The following GNA13 variants were observed in gnomAD, a reference collection of about 807,000 sequenced individuals.
GNA13 encodes guanine nucleotide-binding protein subunit alpha-13.
A neutral mutation model predicts 33.5 loss-of-function variants in GNA13; 4 were observed. That is an observed-to-expected ratio of 0.12 (90% confidence interval 0.06 to 0.27). GNA13 has a LOEUF of 0.27. Ranked by LOEUF, GNA13 falls within the 10% of genes least tolerant of loss-of-function variation. The probability of loss-of-function intolerance (pLI) is 1.00; values close to 1 mark genes in which losing one functional copy is unlikely to be tolerated. For missense variants in GNA13, 319 were observed against 487.2 expected (o/e 0.65, Z 3.25); for synonymous variants, 176 against 183.8 (o/e 0.96, Z 0.34).
intron 2 of GNA13, among the ~76,000 whole-genome samples, chr17:65,034,727 T>C (rs1226172477): frequency 6.6e-6 from 1 of 152,258 alleles, no homozygotes; most frequent in Non-Finnish European, 1.5e-5. Context: ...AGGACCTTAC[T>C]AAAATGCTTC....
chr17:65,038,819 T>C (rs537497547), intron 2 of GNA13, among the ~76,000 whole-genome samples: 1 of 152,222 alleles, frequency 6.6e-6, no homozygotes, highest in African/African-American at 2.4e-5. Flanking sequence ...CAGTTGATAG[T>C]TGGGCAAAAT....
At chr17:65,056,073 C>T (rs1488135990) in intron 1 of GNA13, among the ~76,000 whole-genome samples, 1 of 151,956 alleles carries the variant, frequency 6.6e-6, no homozygotes, top group Non-Finnish European at 1.5e-5. Flanking sequence ...GCCGTGACGC[C>T]CACCGGGGAG....
Position 65,056,648 on chromosome 17 carries a change from C to G in GNA13, c.-55G>C, listed in dbSNP as rs996777578. 2.4e-5 allele frequency: 35 copies of G among 1,465,146 alleles called. No individual in the cohort carries two copies. The African/African-American group carries it at 5.1e-4, about 21-fold the overall frequency. The allele number at this position is 1,465,146 out of a possible 1,614,324, so 90.8% of individuals were successfully genotyped here. ...CCCCTCCGGCTCCCTCCACCTCCTCCTCCGGCGGCGGGCGGCTCCGGCACC... is the reference window on the plus strand; with the variant it reads ...CCCCTCCGGCTCCCTCCACCTCCTCGTCCGGCGGCGGGCGGCTCCGGCACC... On this transcript the variant is annotated 5_prime_UTR_variant, in exon 1 of 4. Coordinates refer to ENST00000439174, the MANE Select transcript of GNA13 (RefSeq NM_006572.6).
At chr17:65,031,470 C>G (rs1435733158) in intron 2 of GNA13, among the ~76,000 whole-genome samples, 1 of 152,124 alleles carries the variant, frequency 6.6e-6, no homozygotes, top group African/African-American at 2.4e-5. Flanking sequence ...TATATAAGTC[C>G]TTTGTTGTGC....
chr17:65,015,378 G>A (rs146660274), intron 3 of GNA13, among the ~76,000 whole-genome samples: 36 of 151,996 alleles, frequency 2.4e-4, no homozygotes, highest in African/African-American at 8.7e-4. Flanking sequence ...TAAAAGCAAT[G>A]GGGGCTGGGC....
At chr17:65,018,724 C>CA (rs1906474196) in intron 2 of GNA13, among the ~76,000 whole-genome samples, 1 of 152,138 alleles carries the variant, frequency 6.6e-6, no homozygotes, top group Non-Finnish European at 1.5e-5. Flanking sequence ...TCTTCAGAGA[C>CA]AAACCAAACC....
chr17:65,056,623 C>G lies in GNA13; in HGVS notation c.-30G>C. ...CCGCCGCCGCCGCCGCCTCGGCGGG[C>G]CCCTCCGGCTCCCTCCACCTCCTCC... On this transcript the variant is annotated 5_prime_UTR_variant, in exon 1 of 4. Transcript: ENST00000439174. The G allele has an allele frequency of 6.3e-7, 1 of 1,587,724 alleles. No individual in the cohort carries two copies. The highest frequency in any genetic ancestry group is 8.5e-7 in the Non-Finnish European group (1 of 1,170,562).
At position 65,012,491 on chromosome 17, in the gene GNA13, G is replaced by C. The variant is rs1269631632; in HGVS notation, c.*1766C>G. ...ATACCACGAACATGCACGATACCAT[G>C]AACTTGCATCACGGTGCCGGGCTAC... On this transcript the variant is annotated 3_prime_UTR_variant, in exon 4 of 4. Transcript: ENST00000439174. 4.6e-6 allele frequency: 1 copy of C among 219,196 alleles called. No individual in the cohort carries two copies. Among genetic ancestry groups the C allele is most frequent in the African/African-American group, 2.2e-5 (1 of 44,520 alleles). The allele number at this position is 219,196 out of a possible 1,614,324, so 13.6% of individuals were successfully genotyped here. A position where few individuals can be genotyped will look rare whatever the true frequency, so the allele number is the denominator to read the frequency against.
chr17:65,044,852 G>A (rs561249489), intron 2 of GNA13, among the ~76,000 whole-genome samples: 8 of 151,866 alleles, frequency 5.3e-5, no homozygotes, highest in African/African-American at 1.4e-4. Flanking sequence ...AGACGAGCCC[G>A]GCCAACATGG....
chr17:65,055,207 G>A (rs1262649344), intron 1 of GNA13, among the ~76,000 whole-genome samples: 1 of 152,110 alleles, frequency 6.6e-6, no homozygotes, highest in African/African-American at 2.4e-5. Context: ...GTTACCAGGC[G>A]CTGCACCTAA....
chr17:65,023,273 T>C (rs1206312599), intron 2 of GNA13, among the ~76,000 whole-genome samples: 2 of 152,356 alleles, frequency 1.3e-5, no homozygotes, highest in South Asian at 2.1e-4. Flanking sequence ...CATGAATCTA[T>C]TGTGCTCATG....
Position 65,014,821 on chromosome 17 carries a change from A to G in GNA13, c.570T>C (p.Ile190=), listed in dbSNP as rs1255655092. The change falls in exon 4 of 4, where the codon ATT becomes ATC. Residue 190 remains isoleucine, a synonymous_variant. Coordinates refer to ENST00000439174, the MANE Select transcript of GNA13 (RefSeq NM_006572.6). This position sits in a 1 kb window ranked among gnomAD's most constrained non-coding sequence, Gnocchi z 5.3. ...NLDKLGEPDY[I]PSQQDILLAR... is the part of the protein sequence containing the mutation. ...CAAGCAGAATATCTTGTTGTGATGGAATATAATCCTGGAAAAGAAAAAACT... is the reference window on the plus strand; with the variant it reads ...CAAGCAGAATATCTTGTTGTGATGGGATATAATCCTGGAAAAGAAAAAACT... 2 of 1,594,652 alleles carry G rather than the reference A, an allele frequency of 1.3e-6. No individual in the cohort carries two copies. The highest frequency in any genetic ancestry group is 1.7e-6 in the Non-Finnish European group (2 of 1,170,468).
chr17:65,018,080 G>A (rs1906435275), intron 3 of GNA13, among the ~76,000 whole-genome samples, 173 bp downstream of exon 3: 1 of 41,034 alleles, frequency 2.4e-5, no homozygotes, highest in African/African-American at 1.1e-4. Flanking sequence ...AGAAGAATCA[G>A]AACGCCACCA....
chr17:65,011,360 GCTTT>G lies in GNA13; in HGVS notation c.*2893_*2896del, dbSNP rs1906182629. The G allele has an allele frequency of 5.1e-6, 1 of 196,006 alleles. No individual in the cohort carries two copies. The highest frequency in any genetic ancestry group is 2.3e-5 in the African/African-American group (1 of 43,202). 12.1% of individuals were successfully genotyped at this position (196,006 alleles called of 1,614,324 possible). On this transcript the variant is annotated 3_prime_UTR_variant, in exon 4 of 4. Transcript: ENST00000439174. ...TGAATGAGTTTTTTCATTCCATATTGCTTTCTTTGGTTGCAGAGCAATCCAGTGC... is the reference window on the plus strand; with the variant it reads ...TGAATGAGTTTTTTCATTCCATATTGCTTTGGTTGCAGAGCAATCCAGTGC...
chr17:65,049,821 CTTGT>C (rs1907798678), intron 2 of GNA13, among the ~76,000 whole-genome samples: 1 of 152,190 alleles, frequency 6.6e-6, no homozygotes, highest in African/African-American at 2.4e-5. Context: ...TGAGCATCTG[CTTGT>C]TTGTTTTAAC....
At chr17:65,050,697 C>T (rs958359860) in intron 2 of GNA13, among the ~76,000 whole-genome samples, 1 of 152,094 alleles carries the variant, frequency 6.6e-6, no homozygotes, top group Non-Finnish European at 1.5e-5. Flanking sequence ...CAACAGGGCA[C>T]TCCAGCCTGG....
intron 2 of GNA13, 25 bp downstream of exon 2, chr17:65,053,477 C>G: frequency 1.5e-6 from 2 of 1,375,234 alleles, no homozygotes; most frequent in Non-Finnish European, 2.1e-6. Flanking sequence ...TAAAACCACA[C>G]GTTTTAAAAG....
At position 65,010,691 on chromosome 17, in the gene GNA13, A is replaced by G. The variant is rs1906157968; in HGVS notation, c.*3566T>C. On this transcript the variant is annotated 3_prime_UTR_variant, in exon 4 of 4. Transcript: ENST00000439174. Reference sequence around the variant, plus strand: ...TGGTCTTAATTTCTCAAATAAAACTAAAATAAATGAAATGGTAACAGAGTG... The same window carrying G: ...TGGTCTTAATTTCTCAAATAAAACTGAAATAAATGAAATGGTAACAGAGTG... The G allele has an allele frequency of 4.9e-6, 1 of 206,060 alleles. No individual in the cohort carries two copies. Among genetic ancestry groups the G allele is most frequent in the East Asian group, 7.4e-5 (1 of 13,550 alleles). The allele number at this position is 206,060 out of a possible 1,614,324, so 12.8% of individuals were successfully genotyped here. A position where few individuals can be genotyped will look rare whatever the true frequency, so the allele number is the denominator to read the frequency against.
At chr17:65,046,839 C>T (rs1330043798) in intron 2 of GNA13, among the ~76,000 whole-genome samples, 1 of 152,106 alleles carries the variant, frequency 6.6e-6, no homozygotes, top group Non-Finnish European at 1.5e-5. Flanking sequence ...TTATTGTGCC[C>T]CTAGCTTTGT....
Sources: allele counts gnomAD v4.1 joint callset (sites outside exome capture counted in the v4.1 genomes callset), GRCh38; gene constraint gnomAD v4.1.1; non-coding constraint Gnocchi (gnomAD v3.1); transcripts MANE v1.5; gene names NCBI Gene and HGNC (gene_info 2026-07-23, HGNC 2026-07-21).